Variants in KCNH5 observed in about 807,000 individuals in gnomAD.
KCNH5 encodes the protein potassium voltage-gated channel subfamily H member 5, also known as voltage-gated delayed rectifier potassium channel KCNH5.
KCNH5 carries 46 observed loss-of-function variants against 96.1 expected under a neutral mutation model. The ratio of observed to expected loss-of-function variants is 0.48; its 90% CI spans 0.38 to 0.61. The LOEUF (loss-of-function observed/expected upper bound fraction) is 0.61. Among genes scored for constraint, KCNH5 ranks in the 20% least tolerant of loss-of-function variants. KCNH5 has a pLI of 0.00. For missense variants in KCNH5, 907 were observed against 1,225.8 expected, an observed-to-expected ratio of 0.74 and a Z score of 3.88; for synonymous variants, 439 against 449.8, an observed-to-expected ratio of 0.98 and a Z score of 0.30.
At chr14:62,955,288 G>T (rs1016126703) in intron 6 of KCNH5, among the ~76,000 whole-genome samples, 1 of 152,138 alleles carries the variant, frequency 6.6e-6, no homozygotes, top group Non-Finnish European at 1.5e-5. Context: ...GGATTTCAAT[G>T]GGCCTGTGCC....
intron 10 of KCNH5, among the ~76,000 whole-genome samples, chr14:62,753,662 C>T (rs1440015114): frequency 6.6e-6 from 1 of 152,132 alleles, no homozygotes. Context: ...CAGTGTAAAT[C>T]TTACAGGCCA....
intron 7 of KCNH5, among the ~76,000 whole-genome samples, chr14:62,870,542 A>C (rs951538767): frequency 6.6e-6 from 1 of 152,290 alleles, no homozygotes; most frequent in East Asian, 1.9e-4. Flanking sequence ...TAATTTTTTT[A>C]ACTTAAAAAA....
Position 62,708,426 on chromosome 14 carries a change from C to G in KCNH5, c.2049G>C (p.Lys683Asn), listed in dbSNP as rs759434637. Residue 683 changes from lysine (K) to asparagine (N), a missense_variant, in exon 11 of 11, where the codon AAG (lysine) becomes AAC (asparagine). Physicochemically the swap from Lys to Asn is moderately conservative, Grantham distance 94 (BLOSUM62 0). Around this residue, in one of 6 missense-constraint regions of KCNH5, gnomAD observed 362 missense variants for 394.4 expected, o/e 0.92. Coordinates refer to ENST00000322893, the MANE Select transcript of KCNH5 (RefSeq NM_139318.5). ...RIIFRKISDV[K>N]KEEEERLRQK... is the part of the protein sequence containing the mutation. The stretch of plus-strand genomic sequence containing the variant: ...GCCGGAGGCGCTCCTCCTCCTCTTT[C>G]TTCACATCACTGATCTTACGAAAGA... The G allele has an allele frequency of 1.2e-6, 2 of 1,605,038 alleles. No homozygotes were observed. The highest frequency in any genetic ancestry group is 8.5e-7 in the Non-Finnish European group (1 of 1,178,140).
At chr14:62,973,140 C>T (rs977097660) in intron 6 of KCNH5, among the ~76,000 whole-genome samples, 15 of 152,100 alleles carry the variant, frequency 9.9e-5, no homozygotes, top group African/African-American at 3.6e-4. Context: ...AATCTCTGCA[C>T]CTCCTCAATT....
chr14:62,966,557 C>T (rs934497573), intron 6 of KCNH5, among the ~76,000 whole-genome samples: 1 of 152,212 alleles, frequency 6.6e-6, no homozygotes, highest in African/African-American at 2.4e-5. Context: ...AACTAAAACT[C>T]TATCTTACTG....
At chr14:62,745,328 C>T (rs1885354306) in intron 10 of KCNH5, among the ~76,000 whole-genome samples, 1 of 152,138 alleles carries the variant, frequency 6.6e-6, no homozygotes. Flanking sequence ...CATACACTAG[C>T]ACACTGTCCT....
At chr14:62,785,930 T>C (rs1033775262) in intron 9 of KCNH5, among the ~76,000 whole-genome samples, 4 of 152,158 alleles carry the variant, frequency 2.6e-5, no homozygotes, top group African/African-American at 4.8e-5. Flanking sequence ...CGGTGGCTCA[T>C]GCCTGTAATC....
chr14:62,784,846 T>C (rs1017443979), intron 9 of KCNH5, among the ~76,000 whole-genome samples: 3 of 152,202 alleles, frequency 2.0e-5, no homozygotes, highest in African/African-American at 7.2e-5. Flanking sequence ...TAAATTACTA[T>C]GTTTTTCGTA....
intron 1 of KCNH5, 144 bp from the exon 2 acceptor site, chr14:63,017,098 A>G (rs755692254): frequency 1.4e-5 from 10 of 717,066 alleles, no homozygotes; most frequent in Non-Finnish European, 2.1e-5. Flanking sequence ...CTGTTCTTGA[A>G]ACTGACATAA....
chr14:63,042,877 T>G (rs1051157034), intron 1 of KCNH5, among the ~76,000 whole-genome samples: 1 of 152,184 alleles, frequency 6.6e-6, no homozygotes, highest in Non-Finnish European at 1.5e-5. Flanking sequence ...ATATACTCAC[T>G]ACAACTATCT....
At chr14:62,943,921 A>G (rs1289227310) in intron 7 of KCNH5, among the ~76,000 whole-genome samples, 3 of 152,198 alleles carry the variant, frequency 2.0e-5, no homozygotes, top group Non-Finnish European at 4.4e-5. Context: ...TTGGGCAAAT[A>G]TAGGAACAAA....
intron 7 of KCNH5, among the ~76,000 whole-genome samples, chr14:62,918,704 T>C (rs148009220): frequency 1.9e-4 from 29 of 152,214 alleles, no homozygotes; most frequent in African/African-American, 6.7e-4. Flanking sequence ...GAGGTATTTT[T>C]AAATGGGCAA....
intron 1 of KCNH5, among the ~76,000 whole-genome samples, chr14:63,025,531 G>T (rs185108029): frequency 2.0e-4 from 31 of 151,748 alleles, no homozygotes; most frequent in Middle Eastern, 3.4e-3. Context: ...TAAAGTTGTA[G>T]GATATGAAAT....
chr14:62,920,291 C>T (rs1185178564), intron 7 of KCNH5, among the ~76,000 whole-genome samples: 1 of 152,018 alleles, frequency 6.6e-6, no homozygotes, highest in Non-Finnish European at 1.5e-5. Flanking sequence ...AACAGATTAG[C>T]AGCCCCCAGA....
intron 8 of KCNH5, among the ~76,000 whole-genome samples, chr14:62,834,222 G>A (rs907401828): frequency 2.0e-5 from 3 of 151,726 alleles, no homozygotes; most frequent in African/African-American, 7.3e-5. Flanking sequence ...CTCAAAGCTC[G>A]ATCTTAAGCT....
Position 62,965,084 on chromosome 14 carries a change from G to A in KCNH5, c.943-14525C>T, listed in dbSNP as rs4547261. On this transcript the variant is annotated intron_variant, in intron 6 of 10. Coordinates refer to ENST00000322893, the MANE Select transcript of KCNH5 (RefSeq NM_139318.5). ...AGGAGTACCTCAATATATATATAGA[G>A]AGAGAGAGGTGAATAGATGCATAAA... Among the ~76,000 whole-genome samples, 211 of 152,140 alleles carry A rather than the reference G, an allele frequency of 1.4e-3. 1 individual carries two copies. Among genetic ancestry groups the A allele is most frequent in the Admixed American group, 1.7e-3 (26 of 15,258 alleles).
chr14:62,883,108 T>C (rs1470691432), intron 7 of KCNH5, among the ~76,000 whole-genome samples: 1 of 152,246 alleles, frequency 6.6e-6, no homozygotes, highest in Non-Finnish European at 1.5e-5. Context: ...ACTCTTCTAA[T>C]AGAGTTGCAC....
chr14:62,769,578 A>G (rs1202397309), intron 10 of KCNH5, among the ~76,000 whole-genome samples: 1 of 152,214 alleles, frequency 6.6e-6, no homozygotes, highest in African/African-American at 2.4e-5. Flanking sequence ...CAGAATTTGC[A>G]GGCACAAATG....
chr14:62,802,995 A>C (rs1248247497), intron 8 of KCNH5, among the ~76,000 whole-genome samples: 2 of 152,074 alleles, frequency 1.3e-5, no homozygotes, highest in Non-Finnish European at 1.5e-5. Context: ...GACAAAAAAA[A>C]CAAAAATTAG....
Sources: gnomAD v4.1 joint callset for allele counts (sites outside exome capture counted in the v4.1 genomes callset) on GRCh38, gnomAD v4.1.1 for gene constraint, gnomAD v4.1.1 regional missense constraint, MANE v1.5 for transcripts, NCBI Gene and HGNC (gene_info 2026-07-23, HGNC 2026-07-21) for gene names.